Variants in ACOT11 observed in about 807,000 individuals in gnomAD.
ACOT11 encodes acyl-coenzyme A thioesterase 11.
A neutral mutation model predicts 77.5 loss-of-function variants in ACOT11; 69 were observed. The ratio of observed to expected loss-of-function variants is 0.89; its 90% confidence interval spans 0.73 to 1.09. The LOEUF (loss-of-function observed/expected upper bound fraction) is 1.09, where lower values mean the gene tolerates loss of function less well. ACOT11 is among the 50% of genes least tolerant of loss of function. The pLI is 0.00. For missense variants in ACOT11, 766 were observed against 813.7 expected (o/e 0.94, Z 0.71); for synonymous variants, 279 against 313.0 (o/e 0.89, Z 1.15).
intron 15 of ACOT11, among the ~76,000 whole-genome samples, chr1:54,620,933 G>A (rs1410094073): frequency 1.3e-5 from 2 of 151,050 alleles, no homozygotes; most frequent in African/African-American, 4.9e-5. Flanking sequence ...GCCGAGGTGG[G>A]TGGATTGCCT....
intron 11 of ACOT11, 33 bp from the exon 12 acceptor site, chr1:54,604,313 T>A (rs746503): frequency 6.3e-7 from 1 of 1,597,222 alleles, no homozygotes; most frequent in South Asian, 1.1e-5. Flanking sequence ...AGGAAGGGGG[T>A]GGGGTAGTGG....
At chr1:54,606,058 A>G (rs1001619191) in intron 13 of ACOT11, among the ~76,000 whole-genome samples, 3 of 151,950 alleles carry the variant, frequency 2.0e-5, no homozygotes, top group Admixed American at 1.3e-4. Context: ...CACCCCATCT[A>G]TTTTCTCCAG....
At chr1:54,611,651 A>G (rs758700038), downstream of ACOT11, 5 of 1,613,938 alleles carry the variant, frequency 3.1e-6, no homozygotes, top group African/African-American at 1.3e-5. Context: ...AAGATGTCAT[A>G]GTAGACTTGG....
chr1:54,624,793 G>A lies in ACOT11; in HGVS notation c.1630-5941G>A, dbSNP rs11805111. 7.7e-3 allele frequency among the ~76,000 whole-genome samples: 1,166 copies of A among 152,194 alleles called. 14 individuals carry two copies. Among genetic ancestry groups the A allele is most frequent in the African/African-American group, 0.027 (1,128 of 41,502 alleles). On this transcript the variant is annotated intron_variant, in intron 15 of 16. Coordinates refer to the ACOT11 transcript ENST00000371316. ...GTCAGAGCAGAGCCTGTTTAGAGGG[G>A]CCAGGAAAGACCAGAGAGGCTGAAG...
At chr1:54,551,727 GTTTTGTTTTGTTTTTGT>G (rs1404054546) in intron 1 of ACOT11, among the ~76,000 whole-genome samples, 2 of 149,488 alleles carry the variant, frequency 1.3e-5, no homozygotes, top group African/African-American at 2.5e-5. Flanking sequence ...TTTTGTTTTT[GTTTTGTTTTGTTTTTGT>G]TTTTGTTTTT....
chr1:54,615,712 A>G (rs1644165931), intron 15 of ACOT11, among the ~76,000 whole-genome samples: 2 of 152,222 alleles, frequency 1.3e-5, no homozygotes, highest in African/African-American at 2.4e-5. Flanking sequence ...GGCTTTGAAC[A>G]TGTTACGTCC....
chr1:54,622,074 G>A (rs1193384627), intron 15 of ACOT11, among the ~76,000 whole-genome samples: 1 of 151,634 alleles, frequency 6.6e-6, no homozygotes, highest in Non-Finnish European at 1.5e-5. Flanking sequence ...AGGAGTTCAA[G>A]ACCATCCTGG....
At chr1:54,597,211 G>A in intron 6 of ACOT11, 48 bp from the exon 7 acceptor site, 1 of 1,602,444 alleles carries the variant, frequency 6.2e-7, no homozygotes, top group Non-Finnish European at 8.5e-7. Flanking sequence ...CTGCCCTTGG[G>A]AATGTTCTCA....
At chr1:54,593,458 G>GTTT (rs35252763) in intron 4 of ACOT11, among the ~76,000 whole-genome samples, 10 of 96,336 alleles carry the variant, frequency 1.0e-4, no homozygotes, top group African/African-American at 1.8e-4. Flanking sequence ...TGTGTGTGTG[G>GTTT]TTTTTTTTTT....
chr1:54,614,939 G>GGTGTTT, downstream of ACOT11: 1 of 1,210,050 alleles, frequency 8.3e-7, no homozygotes. Context: ...AAGCAGAGCG[G>GGTGTTT]GTGTGTGTGT....
At position 54,606,868 on chromosome 1, in the gene ACOT11, G is replaced by A. The variant is rs1424378001; in HGVS notation, c.1371-266G>A. ...CATATGACCACATGTGTGCATGTATGTGCACATCTTTGTTCCCATGTCTGT... is the reference window on the plus strand; with the variant it reads ...CATATGACCACATGTGTGCATGTATATGCACATCTTTGTTCCCATGTCTGT... On this transcript the variant is annotated intron_variant, in intron 13 of 15. Transcript: ENST00000343744. 2.0e-5 allele frequency among the ~76,000 whole-genome samples: 3 copies of A among 152,220 alleles called. No individual in the cohort carries two copies. The East Asian group carries it at 5.8e-4, about 29-fold the overall frequency.
chr1:54,567,216 C>G (rs1653764480), intron 1 of ACOT11, among the ~76,000 whole-genome samples: 1 of 151,870 alleles, frequency 6.6e-6, no homozygotes, highest in African/African-American at 2.4e-5. Context: ...ACCAGTACCA[C>G]CATCTGCCAG....
chr1:54,609,469 G>A lies in ACOT11; in HGVS notation c.*357G>A. 1 of 1,613,540 alleles carries A rather than the reference G, an allele frequency of 6.2e-7. No individual in the cohort carries two copies. Among genetic ancestry groups the A allele is most frequent in the Non-Finnish European group, 8.5e-7 (1 of 1,180,030 alleles). ...GCCTGCCTATGGCTCCAGCTGTGCT[G>A]TGGCCCAGCAGCATGGCCTGCATCT... On this transcript the variant is annotated 3_prime_UTR_variant, in exon 16 of 16. Coordinates refer to ENST00000343744, the MANE Select transcript of ACOT11 (RefSeq NM_147161.4).
chr1:54,623,141 T>C (rs112947722), intron 15 of ACOT11: 8,436 of 615,446 alleles, frequency 0.014, 91 homozygotes, highest in African/African-American at 0.036. Flanking sequence ...CGTGCCATTG[T>C]ACTCCAGCCT....
chr1:54,615,493 A>G (rs1014829317), intron 15 of ACOT11, among the ~76,000 whole-genome samples: 3 of 151,998 alleles, frequency 2.0e-5, no homozygotes, highest in Non-Finnish European at 2.9e-5. Flanking sequence ...GAAGCCTGGA[A>G]GGGCTGAATT....
At chr1:54,623,285 C>T in intron 15 of ACOT11, 1 of 1,613,632 alleles carries the variant, frequency 6.2e-7, no homozygotes, top group South Asian at 1.1e-5. Flanking sequence ...TACCTGGCCG[C>T]CGCAGGGTGA....
chr1:54,597,153 T>C, intron 6 of ACOT11, 106 bp from the exon 7 acceptor site: 1 of 1,430,152 alleles, frequency 7.0e-7, no homozygotes, highest in Non-Finnish European at 9.6e-7. Flanking sequence ...TAAAAGAACC[T>C]GAGTGGGGTA....
At chr1:54,629,866 T>G (rs1644290499) in intron 15 of ACOT11, among the ~76,000 whole-genome samples, 1 of 134,048 alleles carries the variant, frequency 7.5e-6, no homozygotes, top group South Asian at 2.5e-4. Context: ...AGGCATGAAC[T>G]ACCACACCCA....
At chr1:54,614,866 G>A, downstream of ACOT11, 1 of 1,612,942 alleles carries the variant, frequency 6.2e-7, no homozygotes, top group African/African-American at 1.3e-5. Context: ...ATGCCTGTGG[G>A]GAAAGGAACA....
Sources: gnomAD v4.1 joint callset for allele counts (sites outside exome capture counted in the v4.1 genomes callset) on GRCh38, gnomAD v4.1.1 for gene constraint, MANE v1.5 for transcripts, NCBI Gene and HGNC (gene_info 2026-07-23, HGNC 2026-07-21) for gene names.